ADGRL3: variants seen among roughly 807,000 people sequenced by gnomAD.
The protein encoded by ADGRL3 is adhesion G protein-coupled receptor L3.
In ADGRL3, 62 loss-of-function variants were observed where a neutral mutation model predicts 153.5. The ratio of observed to expected loss-of-function variants is 0.40; its 90% confidence interval spans 0.33 to 0.50. ADGRL3 has a LOEUF of 0.50. ADGRL3 is among the 20% of genes least tolerant of loss of function. The probability of loss-of-function intolerance (pLI) is 0.47; values close to 1 mark genes in which losing one functional copy is unlikely to be tolerated. For synonymous variants in ADGRL3, 710 were observed against 672.5 expected (o/e 1.06, Z -0.86); for missense variants, 1,641 against 1,859.4 (o/e 0.88, Z 2.16).
At chr4:61,466,748 T>C (rs954393839) in intron 2 of ADGRL3, among the ~76,000 whole-genome samples, 3 of 152,160 alleles carry the variant, frequency 2.0e-5, no homozygotes, top group Non-Finnish European at 4.4e-5. Context: ...AATAATACTT[T>C]GGAAAATTCT....
chr4:61,270,085 T>A (rs977654282), intron 1 of ADGRL3, among the ~76,000 whole-genome samples: 1 of 151,854 alleles, frequency 6.6e-6, no homozygotes, highest in Admixed American at 6.6e-5. Flanking sequence ...ATAGACATAC[T>A]GATTTGTTTT....
At chr4:61,554,453 C>T (rs1268844033) in intron 4 of ADGRL3, among the ~76,000 whole-genome samples, 1 of 152,088 alleles carries the variant, frequency 6.6e-6, no homozygotes, top group Admixed American at 6.6e-5. Flanking sequence ...GCCTCGGCCT[C>T]CCAAAGTGCT....
intron 18 of ADGRL3, among the ~76,000 whole-genome samples, chr4:61,982,402 C>G (rs960801042): frequency 1.3e-5 from 2 of 152,160 alleles, no homozygotes. Context: ...ACTTGCTGAT[C>G]TCTCCTTCAT....
At chr4:61,303,564 T>C (rs957512129) in intron 1 of ADGRL3, among the ~76,000 whole-genome samples, 5 of 152,184 alleles carry the variant, frequency 3.3e-5, no homozygotes, top group African/African-American at 4.8e-5. Context: ...TATCATTATG[T>C]GACTAAAACT....
rs146747120 is a variant in ADGRL3 at position 61,957,341 on chromosome 4, A to G, written c.2805+9065A>G. ...TCACGATTTGGCTCTCTACTTGTCTATTGTTGGCATAAAGGAATGCTTGTC... is the reference window on the plus strand; with the variant it reads ...TCACGATTTGGCTCTCTACTTGTCTGTTGTTGGCATAAAGGAATGCTTGTC... On this transcript the variant is annotated intron_variant, in intron 17 of 26. Coordinates refer to ENST00000683033, the MANE Select transcript of ADGRL3 (RefSeq NM_001387552.1). 5.1e-3 allele frequency among the ~76,000 whole-genome samples: 778 copies of G among 151,998 alleles called. 8 individuals carry two copies. The highest frequency in any genetic ancestry group is 0.016 in the African/African-American group (663 of 41,486).
intron 4 of ADGRL3, among the ~76,000 whole-genome samples, chr4:61,578,210 T>A (rs2098902287): frequency 6.6e-6 from 1 of 152,078 alleles, no homozygotes; most frequent in Admixed American, 6.6e-5. Flanking sequence ...AGTTATTGCA[T>A]CTTATCTCTA....
At chr4:61,370,203 G>T (rs1462634940) in intron 1 of ADGRL3, among the ~76,000 whole-genome samples, 2 of 150,938 alleles carry the variant, frequency 1.3e-5, no homozygotes, top group Admixed American at 6.6e-5. Context: ...TTAATTTTTT[G>T]AAGGGTTTTT....
intron 8 of ADGRL3, among the ~76,000 whole-genome samples, chr4:61,762,140 A>G (rs1026006711): frequency 6.6e-6 from 1 of 152,172 alleles, no homozygotes; most frequent in Admixed American, 6.5e-5. Context: ...ATGGTTAAAG[A>G]TCTGATAGGA....
chr4:61,569,359 C>G (rs1223534078), intron 4 of ADGRL3, among the ~76,000 whole-genome samples: 1 of 152,118 alleles, frequency 6.6e-6, no homozygotes, highest in Non-Finnish European at 1.5e-5. Context: ...TGACCATCTT[C>G]ACAATCTAGA....
At chr4:61,754,456 A>G (rs2096795493) in intron 8 of ADGRL3, among the ~76,000 whole-genome samples, 1 of 152,070 alleles carries the variant, frequency 6.6e-6, no homozygotes, top group South Asian at 2.1e-4. Flanking sequence ...ACAAAATATT[A>G]AAGAACCAGC....
chr4:61,237,240 A>T (rs550499624), intron 1 of ADGRL3, among the ~76,000 whole-genome samples: 14 of 152,170 alleles, frequency 9.2e-5, no homozygotes, highest in Non-Finnish European at 1.8e-4. Flanking sequence ...TGTATATTAA[A>T]TCCTTTCAAT....
chr4:61,658,381 C>T (rs1002382048), intron 5 of ADGRL3, among the ~76,000 whole-genome samples: 1 of 152,112 alleles, frequency 6.6e-6, no homozygotes, highest in Non-Finnish European at 1.5e-5. Flanking sequence ...TCCATATAAT[C>T]AGCTATATCA....
chr4:61,952,815 G>A (rs1581609402), intron 17 of ADGRL3, among the ~76,000 whole-genome samples: 1 of 152,118 alleles, frequency 6.6e-6, no homozygotes, highest in South Asian at 2.1e-4. Flanking sequence ...ATTTGAGGCA[G>A]CAACAAAATA....
At chr4:61,805,904 G>C (rs941834779) in intron 8 of ADGRL3, among the ~76,000 whole-genome samples, 1 of 152,136 alleles carries the variant, frequency 6.6e-6, no homozygotes, top group Non-Finnish European at 1.5e-5. Flanking sequence ...TAGACAGAGA[G>C]TTAACATCGT....
chr4:61,485,245 A>C (rs1338813138), intron 2 of ADGRL3, among the ~76,000 whole-genome samples: 1 of 152,206 alleles, frequency 6.6e-6, no homozygotes, highest in Non-Finnish European at 1.5e-5. Flanking sequence ...CTAACTACTG[A>C]GAATGAAATA....
intron 25 of ADGRL3, among the ~76,000 whole-genome samples, chr4:62,057,495 A>G (rs898027316): frequency 6.6e-6 from 1 of 152,130 alleles, no homozygotes; most frequent in African/African-American, 2.4e-5. Context: ...AACTGAATCT[A>G]TTTCAGTGGC....
intron 5 of ADGRL3, among the ~76,000 whole-genome samples, chr4:61,621,299 A>G (rs1414573078): frequency 6.6e-6 from 1 of 152,124 alleles, no homozygotes; most frequent in East Asian, 1.9e-4. Flanking sequence ...ATTATCACAG[A>G]TAAAATTTTT....
chr4:61,261,489 T>C (rs1049443337), intron 1 of ADGRL3, among the ~76,000 whole-genome samples: 1 of 152,210 alleles, frequency 6.6e-6, no homozygotes, highest in Non-Finnish European at 1.5e-5. Context: ...ATATTTTTGA[T>C]GCACTGTTGG....
chr4:61,761,371 A>C (rs2096910213), intron 8 of ADGRL3, among the ~76,000 whole-genome samples: 1 of 152,208 alleles, frequency 6.6e-6, no homozygotes, highest in Non-Finnish European at 1.5e-5. Context: ...GAACAAGGAC[A>C]GTTTGGAGGT....
Sources: gnomAD v4.1 joint callset for allele counts (sites outside exome capture counted in the v4.1 genomes callset) on GRCh38, gnomAD v4.1.1 for gene constraint, MANE v1.5 for transcripts, NCBI Gene and HGNC (gene_info 2026-07-23, HGNC 2026-07-21) for gene names.